SH3TC1: variants seen among roughly 807,000 people sequenced by gnomAD.
The protein encoded by SH3TC1 is SH3 domain and tetratricopeptide repeats 1.
In SH3TC1, 135 loss-of-function variants were observed where a neutral mutation model predicts 117.3. The observed-to-expected ratio is 1.15, with a 90% confidence interval of 1.00 to 1.33. The LOEUF (loss-of-function observed/expected upper bound fraction) is 1.33. SH3TC1 is among the 40% of genes most tolerant of loss of function. The probability of loss-of-function intolerance (pLI) is 0.00; values close to 1 mark genes in which losing one functional copy is unlikely to be tolerated. For missense variants in SH3TC1, 2,092 were observed against 1,794.3 expected (o/e 1.17, Z -3.00); for synonymous variants, 898 against 816.9 (o/e 1.10, Z -1.69).
rs1018998690 is a variant in SH3TC1, at chr4:8,192,603, C to T, written c.-57+10393C>T. Among the ~76,000 whole-genome samples the T allele has an allele frequency of 6.6e-6, 1 of 152,108 alleles. No homozygotes were observed. The highest frequency in any genetic ancestry group is 6.6e-5 in the Admixed American group (1 of 15,266). On this transcript the variant is annotated intron_variant, in intron 1 of 16. Coordinates refer to the SH3TC1 transcript ENST00000508641. The surrounding 1 kb of genome is among the most constrained non-coding windows in gnomAD (Gnocchi z 4.1). Reference sequence around the variant, plus strand: ...CTGCCTACTGGGTTCAAGCAATTCTCCCGCCTCAGCCTCCTGAGTAGCTGG... The same window carrying T: ...CTGCCTACTGGGTTCAAGCAATTCTTCCGCCTCAGCCTCCTGAGTAGCTGG...
intron 12 of SH3TC1, among the ~76,000 whole-genome samples, chr4:8,230,025 G>C (rs1012569663): frequency 1.3e-4 from 19 of 144,872 alleles, no homozygotes; most frequent in African/African-American, 4.7e-4. Flanking sequence ...GGGGGCCAGG[G>C]GACGAGGATC....
At chr4:8,238,678 C>T (rs549686101) in intron 17 of SH3TC1, among the ~76,000 whole-genome samples, 23 of 152,272 alleles carry the variant, frequency 1.5e-4, no homozygotes, top group Admixed American at 3.9e-4. Flanking sequence ...CCCAGCCAGA[C>T]GGGGAAGTGC....
At chr4:8,184,280 C>G (rs551521560) in intron 1 of SH3TC1, among the ~76,000 whole-genome samples, 8 of 152,366 alleles carry the variant, frequency 5.3e-5, no homozygotes, top group African/African-American at 1.9e-4. Flanking sequence ...ATTGAGACAC[C>G]TGGCTTTCAC....
rs759576644 is a variant in SH3TC1, at chr4:8,233,412, A to G, written c.3181A>G (p.Ile1061Val). ...CACCAAACGAAGTCTGGGGATTTTCATTGACCTCCAGAAGAAAGAGAAGGA... is the reference window on the plus strand; with the variant it reads ...CACCAAACGAAGTCTGGGGATTTTCGTTGACCTCCAGAAGAAAGAGAAGGA... ...DYTKRSLGIFIDLQKKEKEAH... is the reference protein window; with the variant it reads ...DYTKRSLGIFVDLQKKEKEAH... Residue 1061 changes from isoleucine (I) to valine (V), a missense_variant, in exon 14 of 18, where the codon ATT (isoleucine) becomes GTT (valine). Physicochemically the swap from Ile to Val is conservative, Grantham distance 29. Coordinates refer to ENST00000245105, the MANE Select transcript of SH3TC1 (RefSeq NM_018986.5). 3.7e-6 allele frequency: 6 copies of G among 1,613,850 alleles called. No homozygotes were observed. The East Asian group carries it at 6.7e-5, about 18-fold the overall frequency.
rs1293867320 is a variant in SH3TC1 at position 8,183,009 on chromosome 4, C to T, written c.-57+799C>T. Reference sequence around the variant, plus strand: ...AGAGGCTGTTGGGGCAGTGGGGAGGCGCAGGGGCCTGACCCAGAGGAGGGC... The same window carrying T: ...AGAGGCTGTTGGGGCAGTGGGGAGGTGCAGGGGCCTGACCCAGAGGAGGGC... On this transcript the variant is annotated intron_variant, in intron 1 of 16. Coordinates refer to the SH3TC1 transcript ENST00000508641. This position sits in a 1 kb window ranked among gnomAD's most constrained non-coding sequence, Gnocchi z 5.4. Among the ~76,000 whole-genome samples, 3 of 152,058 alleles carry T rather than the reference C, an allele frequency of 2.0e-5. No individual in the cohort carries two copies. The highest frequency in any genetic ancestry group is 2.1e-4 in the South Asian group (1 of 4,818).
At chr4:8,185,558 AC>A (rs1345896477) in intron 1 of SH3TC1, among the ~76,000 whole-genome samples, 1 of 152,046 alleles carries the variant, frequency 6.6e-6, no homozygotes, top group Non-Finnish European at 1.5e-5. Flanking sequence ...ACGCATCCTA[AC>A]CCCACTTTCA....
At chr4:8,195,289 GA>G (rs1203756801), upstream of SH3TC1, among the ~76,000 whole-genome samples, 9 of 152,378 alleles carry the variant, frequency 5.9e-5, no homozygotes. Context: ...GCAAGATGGA[GA>G]GACTGAGGCC....
At chr4:8,214,986 T>C (rs913943784) in intron 5 of SH3TC1, among the ~76,000 whole-genome samples, 5 of 152,172 alleles carry the variant, frequency 3.3e-5, no homozygotes, top group Non-Finnish European at 5.9e-5. Flanking sequence ...AATCTGTGCT[T>C]TAGAACAGGC....
chr4:8,238,444 C>G (rs1578759887), intron 17 of SH3TC1, among the ~76,000 whole-genome samples: 1 of 152,302 alleles, frequency 6.6e-6, no homozygotes, highest in Non-Finnish European at 1.5e-5. Flanking sequence ...CGCCCCTACT[C>G]AGCATCACAC....
chr4:8,200,452 C>A (rs1717760619), intron 1 of SH3TC1, among the ~76,000 whole-genome samples: 1 of 152,240 alleles, frequency 6.6e-6, no homozygotes, highest in Non-Finnish European at 1.5e-5. Flanking sequence ...TCCAGGTGAG[C>A]CGAGGATGCT....
chr4:8,212,570 TC>T, intron 3 of SH3TC1, 130 bp from the exon 4 acceptor site: 1 of 1,278,442 alleles, frequency 7.8e-7, no homozygotes, highest in South Asian at 1.4e-5. Context: ...GGGCTTGGGC[TC>T]CCCAGGAGCT....
chr4:8,233,399 T>C lies in SH3TC1; in HGVS notation c.3168T>C (p.Ser1056=), dbSNP rs772814051. 1.2e-6 allele frequency: 2 copies of C among 1,613,726 alleles called. No individual in the cohort carries two copies. The highest frequency in any genetic ancestry group is 2.2e-5 in the East Asian group (1 of 44,860). ...CCGCACTGGACTACACCAAACGAAG[T>C]CTGGGGATTTTCATTGACCTCCAGA... The part of the protein sequence containing the change: ...YKSALDYTKR[S]LGIFIDLQKK... Residue 1056 remains serine, a synonymous_variant, in exon 14 of 18, where the codon AGT becomes AGC. Coordinates refer to ENST00000245105, the MANE Select transcript of SH3TC1 (RefSeq NM_018986.5).
chr4:8,237,207 A>C, intron 16 of SH3TC1: 2 of 394,256 alleles, frequency 5.1e-6, no homozygotes, highest in Non-Finnish European at 4.5e-6. Context: ...TCTCCTGGTT[A>C]AAAACAGTGA....
upstream of SH3TC1, among the ~76,000 whole-genome samples, chr4:8,198,705 C>T (rs73077988): frequency 0.12 from 17,854 of 152,202 alleles, 1,222 homozygotes; most frequent in African/African-American, 0.13. Context: ...GGAGAGCTTG[C>T]GGTGAGGAGG....
intron 17 of SH3TC1, among the ~76,000 whole-genome samples, chr4:8,238,198 G>A (rs2152998951): frequency 6.6e-6 from 1 of 152,318 alleles, no homozygotes; most frequent in East Asian, 1.9e-4. Context: ...CACCCAGGCA[G>A]GGTGGGGCGG....
chr4:8,204,321 C>G (rs1718025029), intron 1 of SH3TC1, among the ~76,000 whole-genome samples: 1 of 152,340 alleles, frequency 6.6e-6, no homozygotes, highest in African/African-American at 2.4e-5. Context: ...TTCCCCACCT[C>G]ACATTTCACC....
rs759851282 is a variant in SH3TC1 at position 8,228,330 on chromosome 4, C to T, written c.2636C>T (p.Thr879Met). The change falls in exon 12 of 18, where the codon ACG (threonine) becomes ATG (methionine). Residue 879 changes from threonine (T) to methionine (M), a missense_variant. Physicochemically the swap from Thr to Met is moderately conservative, Grantham distance 81. Transcript: ENST00000245105. ...GTGGCTCTGAAGAGGACGGGCCGGA[C>T]GAGGCAGGCAGCTGAGAGCTACTAC... ...VAVALKRTGR[T>M]RQAAESYYRA... 19 of 1,611,990 alleles carry T rather than the reference C, an allele frequency of 1.2e-5. No homozygotes were observed. Among genetic ancestry groups the T allele is most frequent in the Admixed American group, 5.0e-5 (3 of 60,024 alleles).
At chr4:8,189,926 C>T (rs1561671717) in intron 1 of SH3TC1, among the ~76,000 whole-genome samples, 1 of 152,096 alleles carries the variant, frequency 6.6e-6, no homozygotes, top group Non-Finnish European at 1.5e-5. Context: ...GCGGGTGGAC[C>T]AGTGGCCCAG....
Position 8,186,433 on chromosome 4 carries a change from A to G in SH3TC1, c.-57+4223A>G, listed in dbSNP as rs1175949082. Among the ~76,000 whole-genome samples the G allele has an allele frequency of 2.6e-5, 4 of 152,162 alleles. No individual in the cohort carries two copies. The highest frequency in any genetic ancestry group is 9.7e-5 in the African/African-American group (4 of 41,428). On this transcript the variant is annotated intron_variant, in intron 1 of 16. Transcript: ENST00000508641. This position sits in a 1 kb window ranked among gnomAD's most constrained non-coding sequence, Gnocchi z 5.2. ...CATGGGCTTCTGCGTGGAGCAGAAG[A>G]CGGATGTTAGGGGAAACTAAGGAAG...
Sources: allele counts gnomAD v4.1 joint callset (sites outside exome capture counted in the v4.1 genomes callset), GRCh38; gene constraint gnomAD v4.1.1; non-coding constraint Gnocchi (gnomAD v3.1); transcripts MANE v1.5; gene names NCBI Gene and HGNC (gene_info 2026-07-23, HGNC 2026-07-21).